GABPA: variants seen among roughly 807,000 people sequenced by gnomAD.
The protein encoded by GABPA is GA-binding protein alpha chain.
Under a neutral mutation model 59.4 loss-of-function variants are expected in GABPA, and 4 were observed. The ratio of observed to expected loss-of-function variants is 0.07; its 90% CI spans 0.03 to 0.15. The LOEUF is 0.15. Among genes scored for constraint, GABPA ranks in the 10% least tolerant of loss-of-function variants. The pLI, the probability that GABPA is intolerant of heterozygous loss-of-function variation, is 1.00. For synonymous variants in GABPA, 164 were observed against 183.1 expected (o/e 0.90, Z 0.84); for missense variants, 251 against 543.8 (o/e 0.46, Z 5.36).
chr21:25,764,382 A>G (rs2035840377), intron 8 of GABPA, 32 bp downstream of exon 8: 4 of 1,550,158 alleles, frequency 2.6e-6, no homozygotes, highest in South Asian at 2.4e-5. Context: ...TTTATAAAAT[A>G]TATCTATCTA....
At position 25,735,041 on chromosome 21, in the gene GABPA, C is replaced by T; in HGVS notation, c.-564C>T. 1.4e-6 allele frequency: 2 copies of T among 1,408,360 alleles called. No individual in the cohort carries two copies. The highest frequency in any genetic ancestry group is 1.9e-6 in the Non-Finnish European group (2 of 1,025,730). The allele number at this position is 1,408,360 out of a possible 1,614,324, so 87.2% of individuals were successfully genotyped here. ...TGCGACCGGACGGGTCTAGGTGAGA[C>T]AGAAGCCAAACAGGAGGAGGAAGTG... On this transcript the variant is annotated 5_prime_UTR_variant, in exon 1 of 10. Transcript: ENST00000400075.
intron 3 of GABPA, among the ~76,000 whole-genome samples, chr21:25,748,481 ACT>A (rs1432167098): frequency 6.6e-6 from 1 of 152,218 alleles, no homozygotes; most frequent in East Asian, 1.9e-4. Context: ...AGGAAAAAAC[ACT>A]AATACTGAAA....
chr21:25,764,898 TTA>T (rs1433095818), intron 9 of GABPA, 111 bp downstream of exon 9: 21 of 714,438 alleles, frequency 2.9e-5, no homozygotes, highest in Admixed American at 4.1e-5. Context: ...AAAAACTTGT[TTA>T]TGTTTTTTTC....
intron 6 of GABPA, among the ~76,000 whole-genome samples, chr21:25,761,520 C>T (rs762862385): frequency 3.3e-5 from 5 of 152,124 alleles, no homozygotes; most frequent in African/African-American, 7.2e-5. Context: ...GCACCCTTAG[C>T]GGAGTCTTCT....
rs1055226730 is a variant in GABPA, at chr21:25,772,286, TTAAA to T, written c.*3058_*3061del. Reference sequence around the variant, plus strand: ...GGACTTTTGCATACATTTTTACTCTTTAAATAACGACAACGACACTTATACTGTC... The same window carrying T: ...GGACTTTTGCATACATTTTTACTCTTTAACGACAACGACACTTATACTGTC... On this transcript the variant is annotated 3_prime_UTR_variant, in exon 10 of 10. Coordinates refer to ENST00000400075, the MANE Select transcript of GABPA (RefSeq NM_002040.4). 2.4e-4 allele frequency: 37 copies of T among 152,244 alleles called. No individual in the cohort carries two copies. The highest frequency in any genetic ancestry group is 7.0e-4 in the African/African-American group (29 of 41,574). The allele number at this position is 152,244 out of a possible 1,614,324, so 9.4% of individuals were successfully genotyped here. A position where few individuals can be genotyped will look rare whatever the true frequency, so the allele number is the denominator to read the frequency against.
At chr21:25,749,006 A>G (rs1198836026) in intron 3 of GABPA, 30 bp from the exon 4 acceptor site, 2 of 1,407,024 alleles carry the variant, frequency 1.4e-6, no homozygotes, top group Non-Finnish European at 2.0e-6. Context: ...ATTGCACTGA[A>G]ATAATCTTAC....
In GABPA at chr21:25,735,142, C is replaced by T; in HGVS notation, c.-463C>T. On this transcript the variant is annotated 5_prime_UTR_variant, in exon 1 of 10. Transcript: ENST00000400075. ...CGCCTAATTTGACCCGTTCTTTTTC[C>T]CCTCCTTGAAACCTTGCTCTGTACG... The T allele has an allele frequency of 7.5e-6, 5 of 669,158 alleles. No homozygotes were observed. Among genetic ancestry groups the T allele is most frequent in the Admixed American group, 2.2e-5 (1 of 45,396 alleles). The allele number at this position is 669,158 out of a possible 1,614,324, so 41.5% of individuals were successfully genotyped here. A position where few individuals can be genotyped will look rare whatever the true frequency, so the allele number is the denominator to read the frequency against.
At chr21:25,747,377 G>A (rs1442494437) in intron 3 of GABPA, among the ~76,000 whole-genome samples, 3 of 152,136 alleles carry the variant, frequency 2.0e-5, no homozygotes, top group African/African-American at 4.8e-5. Context: ...ATGGCCTGCA[G>A]ATTACCCAGG....
rs1457628528 is a variant in GABPA, at chr21:25,769,176, C to T, written c.1309C>T (p.Pro437Ser). The stretch of plus-strand genomic sequence containing the variant: ...GATGCAGCTCCATGGAATTGCCCAG[C>T]CAGTCACAGCAGTAGCTCTGGCTAC... ...AKMQLHGIAQ[P>S]VTAVALATAS... Residue 437 changes from proline to serine, a missense_variant, in exon 10 of 10, where the codon CCA becomes TCA. Around this residue, in one of 4 missense-constraint regions of GABPA, gnomAD observed 23 missense variants for 60.7 expected, o/e 0.38. Transcript: ENST00000400075. The T allele has an allele frequency of 6.2e-7, 1 of 1,609,180 alleles. No individual in the cohort carries two copies. The highest frequency in any genetic ancestry group is 8.5e-7 in the Non-Finnish European group (1 of 1,175,790).
At chr21:25,742,145 G>C (rs893297101) in intron 2 of GABPA, among the ~76,000 whole-genome samples, 2 of 152,212 alleles carry the variant, frequency 1.3e-5, no homozygotes, top group African/African-American at 4.8e-5. Context: ...CCAGTACTAA[G>C]CATAAAATGT....
At chr21:25,768,388 C>T (rs1320736794) in intron 9 of GABPA, among the ~76,000 whole-genome samples, 1 of 151,948 alleles carries the variant, frequency 6.6e-6, no homozygotes, top group Non-Finnish European at 1.5e-5. Flanking sequence ...GACATGACTT[C>T]ATCATATAGG....
Position 25,749,219 on chromosome 21 carries a change from T to G in GABPA, c.307+99T>G, listed in dbSNP as rs1027287159. On this transcript the variant is annotated intron_variant, in intron 4 of 9. Coordinates refer to ENST00000400075, the MANE Select transcript of GABPA (RefSeq NM_002040.4). ...TGTTTTCGATGGTTGTCTACATTACTTGATATGATATAATAGCCAAAATTC... is the reference window on the plus strand; with the variant it reads ...TGTTTTCGATGGTTGTCTACATTACGTGATATGATATAATAGCCAAAATTC... 9 of 698,256 alleles carry G rather than the reference T, an allele frequency of 1.3e-5. No homozygotes were observed. In the Admixed American group the frequency reaches 2.5e-4, roughly 19 times the overall value. 43.3% of individuals were successfully genotyped at this position (698,256 alleles called of 1,614,324 possible).
At chr21:25,752,454 T>C (rs1277491672) in intron 5 of GABPA, 9 of 528,004 alleles carry the variant, frequency 1.7e-5, no homozygotes, top group Non-Finnish European at 2.7e-5. Flanking sequence ...AAATTTCTGC[T>C]CTTAGGGTGT....
intron 6 of GABPA, among the ~76,000 whole-genome samples, chr21:25,760,609 G>C (rs924078149): frequency 2.0e-5 from 3 of 152,104 alleles, no homozygotes; most frequent in Non-Finnish European, 4.4e-5. Context: ...GTCCTTCTCG[G>C]TGTGAATCTC....
chr21:25,760,519 C>A (rs111632116), intron 6 of GABPA, among the ~76,000 whole-genome samples: 3 of 151,894 alleles, frequency 2.0e-5, no homozygotes, highest in African/African-American at 7.3e-5. Context: ...TGCAGTCCCC[C>A]CTATGTTGAA....
chr21:25,761,211 G>C (rs1235539311), intron 6 of GABPA, among the ~76,000 whole-genome samples: 3 of 152,134 alleles, frequency 2.0e-5, no homozygotes, highest in Admixed American at 6.6e-5. Context: ...ACTGTTTTGT[G>C]CACTGTGCTT....
At chr21:25,747,865 G>A (rs1299982430) in intron 3 of GABPA, among the ~76,000 whole-genome samples, 1 of 152,144 alleles carries the variant, frequency 6.6e-6, no homozygotes, top group East Asian at 1.9e-4. Flanking sequence ...ATTAATGGAT[G>A]AAACTGTCAT....
At chr21:25,763,472 T>C (rs775397446) in intron 7 of GABPA, 19 of 171,332 alleles carry the variant, frequency 1.1e-4, no homozygotes, top group Non-Finnish European at 2.0e-4. Flanking sequence ...TTACACCAAG[T>C]ATACCTGTTG....
At chr21:25,756,679 G>A (rs1250704952) in intron 5 of GABPA, among the ~76,000 whole-genome samples, 5 of 152,166 alleles carry the variant, frequency 3.3e-5, no homozygotes, top group African/African-American at 9.7e-5. Context: ...CTGCACACAA[G>A]CTAAGACCAT....
Sources: gnomAD v4.1 joint callset for allele counts (sites outside exome capture counted in the v4.1 genomes callset) on GRCh38, gnomAD v4.1.1 for gene constraint, gnomAD v4.1.1 regional missense constraint, MANE v1.5 for transcripts, NCBI Gene and HGNC (gene_info 2026-07-23, HGNC 2026-07-21) for gene names.